ACTR5: variants seen among roughly 807,000 people sequenced by gnomAD.
ACTR5 encodes the protein actin related protein 5, also known as actin-related protein 5.
Under a neutral mutation model 61.2 loss-of-function variants are expected in ACTR5, and 43 were observed. The observed-to-expected ratio is 0.70, with a 90% CI of 0.55 to 0.91. ACTR5 has a LOEUF of 0.91. Among genes scored for constraint, ACTR5 ranks in the 40% least tolerant of loss-of-function variants. The pLI is 0.00. For synonymous variants in ACTR5, 333 were observed against 310.5 expected (o/e 1.07, Z -0.76); for missense variants, 798 against 782.2 (o/e 1.02, Z -0.24).
intron 5 of ACTR5, among the ~76,000 whole-genome samples, chr20:38,759,648 G>A (rs1349572283): frequency 1.3e-5 from 2 of 151,970 alleles, no homozygotes; most frequent in African/African-American, 4.8e-5. Context: ...GGAATTTGAG[G>A]GTGTATCCCA....
chr20:38,752,728 T>C (rs1001620732), intron 3 of ACTR5, among the ~76,000 whole-genome samples: 8 of 152,266 alleles, frequency 5.3e-5, no homozygotes, highest in African/African-American at 1.9e-4. Context: ...GTATGAGTTT[T>C]AGTTGCTATT....
chr20:38,765,190 A>G (rs1470088472), intron 5 of ACTR5, among the ~76,000 whole-genome samples: 4 of 152,176 alleles, frequency 2.6e-5, no homozygotes, highest in African/African-American at 9.7e-5. Context: ...TAAAGTAGGA[A>G]AGGTAGGAGA....
At chr20:38,759,906 A>G (rs146581843) in intron 5 of ACTR5, among the ~76,000 whole-genome samples, 1 of 152,196 alleles carries the variant, frequency 6.6e-6, no homozygotes, top group African/African-American at 2.4e-5. Flanking sequence ...AGTGGCTCAC[A>G]TCTGTAATCC....
intron 5 of ACTR5, among the ~76,000 whole-genome samples, chr20:38,759,156 C>T (rs576339294): frequency 2.6e-5 from 4 of 152,150 alleles, no homozygotes; most frequent in Non-Finnish European, 5.9e-5. Context: ...TGTTGGAAAA[C>T]GCAATGGGCC....
Position 38,754,869 on chromosome 20 carries a change from G to A in ACTR5, c.776-88G>A, listed in dbSNP as rs971207721. On this transcript the variant is annotated intron_variant, in intron 3 of 8. Coordinates refer to ENST00000243903, the MANE Select transcript of ACTR5 (RefSeq NM_024855.4). ...TCCCCAAAGTGCTGGGATTACAGGCGTGAGCCCCTGCGCCCAGCTGGTATT... is the reference window on the plus strand; with the variant it reads ...TCCCCAAAGTGCTGGGATTACAGGCATGAGCCCCTGCGCCCAGCTGGTATT... The A allele has an allele frequency of 3.5e-4, 483 of 1,363,412 alleles. 3 individuals are homozygous for A. The East Asian group carries it at 8.4e-3, about 24-fold the overall frequency. 84.5% of individuals were successfully genotyped at this position (1,363,412 alleles called of 1,614,324 possible). A position where few individuals can be genotyped will look rare whatever the true frequency, so the allele number is the denominator to read the frequency against.
intron 8 of ACTR5, among the ~76,000 whole-genome samples, chr20:38,769,997 A>G (rs2084510623): frequency 6.6e-6 from 1 of 152,232 alleles, no homozygotes; most frequent in South Asian, 2.1e-4. Flanking sequence ...GGTAATTTCC[A>G]AAGTCTCCCA....
intron 5 of ACTR5, among the ~76,000 whole-genome samples, chr20:38,757,917 C>T (rs2084430136): frequency 6.6e-6 from 1 of 151,636 alleles, no homozygotes; most frequent in Non-Finnish European, 1.5e-5. Context: ...TTTTGCTTCT[C>T]TTGGTTTTTC....
intron 8 of ACTR5, among the ~76,000 whole-genome samples, chr20:38,768,050 A>C (rs1428857064): frequency 6.6e-6 from 1 of 152,168 alleles, no homozygotes; most frequent in East Asian, 1.9e-4. Flanking sequence ...AGCAGAGCCC[A>C]CACTGCAGAG....
chr20:38,767,501 GT>G lies in ACTR5; in HGVS notation c.1475del (p.Phe492SerfsTer12), dbSNP rs1568638201. 6.2e-7 allele frequency: 1 copy of G among 1,614,080 alleles called. No homozygotes were observed. The highest frequency in any genetic ancestry group is 1.7e-5 in the Admixed American group (1 of 60,014). The stretch of plus-strand genomic sequence containing the variant: ...CATTCAGGAAATGCTGGTTCAGAAC[GT>G]TTTCCTCACTGGCGGCAACACGATG... ...KDIQEMLVQN[V>X]FLTGGNTMYP... On this transcript the variant is annotated frameshift_variant, in exon 8 of 9. Coordinates refer to ENST00000243903, the MANE Select transcript of ACTR5 (RefSeq NM_024855.4). LOFTEE classifies it high-confidence loss of function.
chr20:38,754,903 T>C, intron 3 of ACTR5, 54 bp from the exon 4 acceptor site: 2 of 1,578,270 alleles, frequency 1.3e-6, no homozygotes, highest in Non-Finnish European at 1.7e-6. Context: ...TTGACTTTAA[T>C]TGTTGTGTTA....
chr20:38,771,830 G>C lies in ACTR5; in HGVS notation c.*14G>C. The stretch of plus-strand genomic sequence containing the variant: ...GAGCAGGCATAGCAGAGGCCCTCCA[G>C]AGAGACTGCCCTGCACGCCATGCCT... On this transcript the variant is annotated 3_prime_UTR_variant, in exon 9 of 9. Transcript: ENST00000243903. 6.2e-7 allele frequency: 1 copy of C among 1,605,604 alleles called. No homozygotes were observed. Among genetic ancestry groups the C allele is most frequent in the Non-Finnish European group, 8.5e-7 (1 of 1,177,732 alleles).
chr20:38,754,882 C>T, intron 3 of ACTR5, 75 bp from the exon 4 acceptor site: 1 of 1,506,116 alleles, frequency 6.6e-7, no homozygotes, highest in Non-Finnish European at 9.1e-7. Context: ...AGCCCCTGCG[C>T]CCAGCTGGTA....
chr20:38,770,154 A>G (rs2084511767), intron 8 of ACTR5, among the ~76,000 whole-genome samples: 1 of 151,736 alleles, frequency 6.6e-6, no homozygotes, highest in Admixed American at 6.6e-5. Flanking sequence ...TGCTAATGTA[A>G]TGAGTGTGTC....
rs377609885 is a variant in ACTR5, at chr20:38,771,724, C to T, written c.1732C>T (p.Arg578Cys). The T allele has an allele frequency of 5.1e-5, 82 of 1,614,058 alleles. No homozygotes were observed. The highest frequency in any genetic ancestry group is 3.3e-4 in the Middle Eastern group (2 of 6,084). The change falls in exon 9 of 9, where the codon CGC (arginine) becomes TGC (cysteine). Residue 578 changes from arginine to cysteine, a missense_variant. Arg to Cys is a radical substitution (Grantham distance 180). Coordinates refer to ENST00000243903, the MANE Select transcript of ACTR5 (RefSeq NM_024855.4). ...HCASNIYVPI[R>C]LPKQASRSSD... Reference sequence around the variant, plus strand: ...TGCTTCCAACATCTATGTCCCCATCCGCCTGCCGAAGCAGGCCTCCCGCTC... The same window carrying T: ...TGCTTCCAACATCTATGTCCCCATCTGCCTGCCGAAGCAGGCCTCCCGCTC...
At chr20:38,771,104 C>T (rs2084517209) in intron 8 of ACTR5, among the ~76,000 whole-genome samples, 1 of 152,238 alleles carries the variant, frequency 6.6e-6, no homozygotes, top group Admixed American at 6.5e-5. Context: ...ACGCCCAGGT[C>T]ACCCCTCTCT....
rs2084410208 is a variant in ACTR5 at position 38,754,879 on chromosome 20, G to A, written c.776-78G>A. 3.4e-6 allele frequency: 5 copies of A among 1,477,962 alleles called. No individual in the cohort carries two copies. In the South Asian group the frequency reaches 4.9e-5, roughly 14 times the overall value. 91.6% of individuals were successfully genotyped at this position (1,477,962 alleles called of 1,614,324 possible). ...GCTGGGATTACAGGCGTGAGCCCCT[G>A]CGCCCAGCTGGTATTGACTTTAATT... On this transcript the variant is annotated intron_variant, in intron 3 of 8. Transcript: ENST00000243903.
chr20:38,768,224 G>A (rs931247372), intron 8 of ACTR5, among the ~76,000 whole-genome samples: 4 of 152,110 alleles, frequency 2.6e-5, no homozygotes, highest in Admixed American at 1.3e-4. Context: ...GGGGGTAATC[G>A]GTACCTGTTG....
In ACTR5 at chr20:38,766,348, T is replaced by TG; in HGVS notation, c.1405dup (p.Ala469GlyfsTer71). On this transcript the variant is annotated frameshift_variant, in exon 7 of 9. Coordinates refer to ENST00000243903, the MANE Select transcript of ACTR5 (RefSeq NM_024855.4). LOFTEE classifies it high-confidence loss of function. ...TCATAGGAGAAGAACAGGCTGGGAT[T>TG]GCAGAGACTCTTCAGTACATTCTGG... The TG allele has an allele frequency of 6.2e-7, 1 of 1,612,378 alleles. No homozygotes were observed. Among genetic ancestry groups the TG allele is most frequent in the Non-Finnish European group, 8.5e-7 (1 of 1,179,612 alleles).
chr20:38,767,027 T>A (rs997982887), intron 7 of ACTR5, among the ~76,000 whole-genome samples: 1 of 152,138 alleles, frequency 6.6e-6, no homozygotes, highest in Non-Finnish European at 1.5e-5. Flanking sequence ...AAGCTGTTAT[T>A]AAAAAAGATA....
Sources: gnomAD v4.1 joint callset for allele counts (sites outside exome capture counted in the v4.1 genomes callset) on GRCh38, gnomAD v4.1.1 for gene constraint, MANE v1.5 for transcripts, NCBI Gene and HGNC (gene_info 2026-07-23, HGNC 2026-07-21) for gene names.